Variants in KMT2B observed in about 807,000 individuals in gnomAD.
KMT2B encodes the protein lysine methyltransferase 2B, also known as histone-lysine N-methyltransferase 2B.
In KMT2B, 22 loss-of-function variants were observed where a neutral mutation model predicts 255.3. The ratio of observed to expected loss-of-function variants is 0.09; its 90% CI spans 0.06 to 0.12. The LOEUF is 0.12. Ranked by LOEUF, KMT2B falls within the 10% of genes least tolerant of loss-of-function variation. KMT2B has a pLI of 1.00. For missense variants in KMT2B, 3,149 were observed against 3,737.0 expected, an observed-to-expected ratio of 0.84 and a Z score of 4.10; for synonymous variants, 1,730 against 1,498.1, an observed-to-expected ratio of 1.15 and a Z score of -3.57.
chr19:35,722,376 G>T lies in KMT2B; in HGVS notation c.2475G>T (p.Gln825His), dbSNP rs752884271. 3.1e-6 allele frequency: 5 copies of T among 1,610,420 alleles called. No individual in the cohort carries two copies. Among genetic ancestry groups the T allele is most frequent in the Middle Eastern group, 3.3e-4 (2 of 6,062 alleles). Residue 825 changes from glutamine (Q) to histidine (H), a missense_variant, in exon 4 of 37, where the codon CAG (glutamine) becomes CAT (histidine). By Grantham distance (24) the Gln-to-His change is conservative. Around this residue, in one of 18 missense-constraint regions of KMT2B, gnomAD observed 1,188 missense variants for 1,106.4 expected, o/e 1.07. Transcript: ENST00000420124. ...CCTGCCAGCTGAGCCCTGGAGGGCA[G>T]ATGGAGGAGGTGGCCGGGGCTGTCA... ...AASMPLSPGGQMEEVAGAVKQ... is the reference protein window; with the variant it reads ...AASMPLSPGGHMEEVAGAVKQ...
rs1390238647 is a variant in KMT2B at position 35,725,776 on chromosome 19, G to A, written c.3843G>A (p.Gly1281=). Residue 1281 remains glycine, a synonymous_variant, in exon 13 of 37, where the codon GGG becomes GGA. Coordinates refer to ENST00000420124, the MANE Select transcript of KMT2B (RefSeq NM_014727.3). This position sits in a 1 kb window ranked among gnomAD's most constrained non-coding sequence, Gnocchi z 4.1. ...ATGCATACCACCCGGCCTGTCTGGG[G>A]CCCAGCTATCCAACCCGGGCCACGC... ...CRHAYHPACL[G]PSYPTRATRK... 4 of 1,598,464 alleles carry A rather than the reference G, an allele frequency of 2.5e-6. No individual in the cohort carries two copies. Among genetic ancestry groups the A allele is most frequent in the Admixed American group, 1.8e-5 (1 of 57,094 alleles).
In KMT2B at chr19:35,733,561, A is replaced by G. The variant is rs780450857; in HGVS notation, c.6960-36A>G. The G allele has an allele frequency of 3.5e-5, 54 of 1,556,182 alleles. No homozygotes were observed. The Admixed American group carries it at 3.9e-4, about 11-fold the overall frequency. ...GCAGGCAAGGGGGCAGATGGGCGGG[A>G]GATGCGGCTCATCCTTCTCGGGCTC... On this transcript the variant is annotated intron_variant, in intron 28 of 36. Transcript: ENST00000420124. The surrounding 1 kb of genome is among the most constrained non-coding windows in gnomAD (Gnocchi z 4.3).
At position 35,720,188 on chromosome 19, in the gene KMT2B, C is replaced by G; in HGVS notation, c.841C>G (p.Arg281Gly). 6.2e-7 allele frequency: 1 copy of G among 1,606,662 alleles called. No homozygotes were observed. The highest frequency in any genetic ancestry group is 1.1e-5 in the South Asian group (1 of 90,006). Residue 281 changes from arginine to glycine, a missense_variant, in exon 3 of 37, where the codon CGT becomes GGT. By Grantham distance (125) the Arg-to-Gly change is moderately radical. Transcript: ENST00000420124. ...GPGPGPGTPR[R>G]GGQSSRGGRG... is the part of the protein sequence containing the mutation. ...CGGTCCAGGACCTGGGACCCCCAGG[C>G]GTGGAGGACAGTCAAGCCGTGGAGG...
Position 35,730,551 on chromosome 19 carries a change from T to C in KMT2B, c.5211T>C (p.Ile1737=), listed in dbSNP as rs1433717321. 6.2e-7 allele frequency: 1 copy of C among 1,614,002 alleles called. No individual in the cohort carries two copies. The highest frequency in any genetic ancestry group is 8.5e-7 in the Non-Finnish European group (1 of 1,179,872). Residue 1737 remains isoleucine (I), a synonymous_variant, in exon 25 of 37, where the codon ATT becomes ATC. Coordinates refer to ENST00000420124, the MANE Select transcript of KMT2B (RefSeq NM_014727.3). The part of the protein sequence containing the change: ...AINVLIGSIR[I]DSLGTLSDLS... ...TTTGCACCACAGGTTCCATCCGCAT[T>C]GACTCCCTGGGTACTCTGTCTGATC...
chr19:35,730,260 C>T (rs1227661602), intron 23 of KMT2B, 82 bp from the exon 24 acceptor site: 3 of 1,599,204 alleles, frequency 1.9e-6, no homozygotes, highest in Non-Finnish European at 2.6e-6. Flanking sequence ...GCCTTTAGGC[C>T]AAGCCCCTGA....
Position 35,727,384 on chromosome 19 carries a change from G to A in KMT2B, c.4118-54G>A. On this transcript the variant is annotated intron_variant, in intron 15 of 36. Coordinates refer to ENST00000420124, the MANE Select transcript of KMT2B (RefSeq NM_014727.3). The surrounding 1 kb of genome is among the most constrained non-coding windows in gnomAD (Gnocchi z 4.2). ...GTCCTTGCTGGCCTAGGGGCTGCTG[G>A]GAGCCCTCACATCCTCTGAAACCAC... 2 of 1,601,568 alleles carry A rather than the reference G, an allele frequency of 1.2e-6. No individual in the cohort carries two copies. Among genetic ancestry groups the A allele is most frequent in the Non-Finnish European group, 1.7e-6 (2 of 1,169,464 alleles).
In KMT2B at chr19:35,718,630, C is replaced by G. The variant is rs991313205; in HGVS notation, c.363+249C>G. Reference sequence around the variant, plus strand: ...TCCCGCTGAAGTGTCTTGGGCCGATCCTTTTCGGCAGCTGGCAAAGCTAGG... The same window carrying G: ...TCCCGCTGAAGTGTCTTGGGCCGATGCTTTTCGGCAGCTGGCAAAGCTAGG... On this transcript the variant is annotated intron_variant, in intron 1 of 36. Coordinates refer to ENST00000420124, the MANE Select transcript of KMT2B (RefSeq NM_014727.3). This position sits in a 1 kb window ranked among gnomAD's most constrained non-coding sequence, Gnocchi z 5.0. Among the ~76,000 whole-genome samples, 2 of 152,172 alleles carry G rather than the reference C, an allele frequency of 1.3e-5. No homozygotes were observed. Among genetic ancestry groups the G allele is most frequent in the Non-Finnish European group, 2.9e-5 (2 of 67,980 alleles).
rs564202766 is a variant in KMT2B at position 35,721,614 on chromosome 19, C to CACAGCCACAGCT, written c.2268_2279dup (p.Gln759_Pro762dup). ...CTCCTGCCCCAGGCACTACCGCCACCACAGCCACAGCTGCAGCCACCGCCG... is the reference window on the plus strand; with the variant it reads ...CTCCTGCCCCAGGCACTACCGCCACCACAGCCACAGCTACAGCCACAGCTGCAGCCACCGCCG... On this transcript the variant is annotated inframe_insertion, in exon 3 of 37. Coordinates refer to ENST00000420124, the MANE Select transcript of KMT2B (RefSeq NM_014727.3). 1.7e-3 allele frequency: 2,781 copies of CACAGCCACAGCT among 1,612,658 alleles called. 6 individuals carry two copies. Among genetic ancestry groups the CACAGCCACAGCT allele is most frequent in the Non-Finnish European group, 2.1e-3 (2,490 of 1,179,726 alleles).
At chr19:35,729,132 C>T (rs755404633) in intron 21 of KMT2B, 27 bp from the exon 22 acceptor site, 7 of 1,613,800 alleles carry the variant, frequency 4.3e-6, no homozygotes, top group Non-Finnish European at 5.9e-6. Flanking sequence ...GGCCTCCCCA[C>T]ATCATGCCAC....
In KMT2B at chr19:35,726,269, G is replaced by A. The variant is rs2146452220; in HGVS notation, c.3919G>A (p.Gly1307Arg). Residue 1307 changes from glycine (G) to arginine (R), a missense_variant, in exon 14 of 37, where the codon GGG (glycine) becomes AGG (arginine). Gly to Arg is a moderately radical substitution (Grantham distance 125, BLOSUM62 -2). Coordinates refer to ENST00000420124, the MANE Select transcript of KMT2B (RefSeq NM_014727.3). ...CSACVRCKSCGATPGKNWDVE... is the reference protein window; with the variant it reads ...CSACVRCKSCRATPGKNWDVE... ...AGCCTGTGTGCGCTGTAAGAGCTGT[G>A]GGGCAACTCCAGGCAAGAACTGGGA... The A allele has an allele frequency of 1.2e-6, 2 of 1,613,786 alleles. No individual in the cohort carries two copies. Among genetic ancestry groups the A allele is most frequent in the Non-Finnish European group, 1.7e-6 (2 of 1,179,796 alleles).
At position 35,737,937 on chromosome 19, in the gene KMT2B, C is replaced by T. The variant is rs1969983762; in HGVS notation, c.7737C>T (p.Val2579=). 6.3e-7 allele frequency: 1 copy of T among 1,599,846 alleles called. No homozygotes were observed. Among genetic ancestry groups the T allele is most frequent in the African/African-American group, 1.3e-5 (1 of 74,642 alleles). The change falls in exon 35 of 37, where the codon GTC becomes GTT. Residue 2579 remains valine (V), a synonymous_variant. Transcript: ENST00000420124. This position sits in a 1 kb window ranked among gnomAD's most constrained non-coding sequence, Gnocchi z 5.3. ...LKKTSKEAVG[V]YRSAIHGRGL... is the part of the protein sequence containing the mutation. ...AGACGTCCAAAGAAGCTGTGGGTGT[C>T]TACAGGTGAGTGGGGTTGGGGGGGA...
chr19:35,719,582 A>G (rs1167632956), intron 2 of KMT2B, 41 bp downstream of exon 2: 2 of 1,557,480 alleles, frequency 1.3e-6, no homozygotes, highest in Non-Finnish European at 8.7e-7. Context: ...CGTCACAGGA[A>G]TTTATCCTCG....
intron 9 of KMT2B, 49 bp from the exon 10 acceptor site, chr19:35,724,939 GC>G: frequency 1.5e-6 from 2 of 1,342,628 alleles, no homozygotes; most frequent in South Asian, 2.3e-5. Context: ...AGAGGAGTCT[GC>G]ATCACGGCCA....
chr19:35,726,480 A>C (rs968688001), intron 14 of KMT2B, 127 bp downstream of exon 14: 2 of 670,680 alleles, frequency 3.0e-6, no homozygotes, highest in African/African-American at 3.6e-5. Context: ...CTATCTCTTC[A>C]ACTCAGGGAA....
At chr19:35,722,231 C>G in intron 3 of KMT2B, 128 bp from the exon 4 acceptor site, 1 of 966,002 alleles carries the variant, frequency 1.0e-6, no homozygotes, top group South Asian at 1.7e-5. Context: ...TCTTGAACTC[C>G]TGACCTCGTG....
Position 35,733,707 on chromosome 19 carries a change from C to T in KMT2B, c.7049+21C>T. Reference sequence around the variant, plus strand: ...CCTGGGTGAGTGGCCAGGCCCCTCTCCCTGGAGGGTCTGGGACCTCTGTCC... The same window carrying T: ...CCTGGGTGAGTGGCCAGGCCCCTCTTCCTGGAGGGTCTGGGACCTCTGTCC... On this transcript the variant is annotated intron_variant, in intron 29 of 36. Coordinates refer to ENST00000420124, the MANE Select transcript of KMT2B (RefSeq NM_014727.3). The surrounding 1 kb of genome is among the most constrained non-coding windows in gnomAD (Gnocchi z 4.3). 4 of 1,605,870 alleles carry T rather than the reference C, an allele frequency of 2.5e-6. No individual in the cohort carries two copies. The highest frequency in any genetic ancestry group is 3.4e-6 in the Non-Finnish European group (4 of 1,175,866).
At chr19:35,735,658 C>T (rs992595629) in intron 30 of KMT2B, 4 of 152,340 alleles carry the variant, frequency 2.6e-5, no homozygotes, top group Non-Finnish European at 5.9e-5. Flanking sequence ...GCTGCCTGCC[C>T]ACCATCTCCA....
chr19:35,721,100 C>T lies in KMT2B; in HGVS notation c.1753C>T (p.Arg585Cys), dbSNP rs760508345. ...QEPAPVPSPPRAPTPPSTPVP... is the reference protein window; with the variant it reads ...QEPAPVPSPPCAPTPPSTPVP... ...GCCAGCACCAGTCCCCTCTCCACCA[C>T]GTGCCCCAACTCCTCCATCTACCCC... The change falls in exon 3 of 37, where the codon CGT becomes TGT. Residue 585 changes from arginine (R) to cysteine (C), a missense_variant. By Grantham distance (180) the Arg-to-Cys change is radical. This residue lies in a region of KMT2B where 1,188 missense variants were observed against 1,106.4 expected (regional missense o/e 1.07). Coordinates refer to ENST00000420124, the MANE Select transcript of KMT2B (RefSeq NM_014727.3). The T allele has an allele frequency of 5.6e-6, 9 of 1,610,760 alleles. No individual in the cohort carries two copies. Among genetic ancestry groups the T allele is most frequent in the Middle Eastern group, 1.6e-4 (1 of 6,082 alleles).
chr19:35,720,266 T>C lies in KMT2B; in HGVS notation c.919T>C (p.Phe307Leu), dbSNP rs540162147. 6.2e-7 allele frequency: 1 copy of C among 1,612,982 alleles called. No individual in the cohort carries two copies. Among genetic ancestry groups the C allele is most frequent in the South Asian group, 1.1e-5 (1 of 90,912 alleles). The change falls in exon 3 of 37, where the codon TTT (phenylalanine) becomes CTT (leucine). Residue 307 changes from phenylalanine to leucine, a missense_variant. Around this residue, in one of 18 missense-constraint regions of KMT2B, gnomAD observed 1,188 missense variants for 1,106.4 expected, o/e 1.07. Transcript: ENST00000420124. ...RGGGLPFVIK[F>L]VSRAKKVKMG... ...TGGTGGGCTCCCCTTTGTGATCAAG[T>C]TTGTTTCAAGGGCCAAAAAAGTAAA...
Sources: allele counts gnomAD v4.1 joint callset (sites outside exome capture counted in the v4.1 genomes callset), GRCh38; gene constraint gnomAD v4.1.1; regional missense constraint gnomAD v4.1.1; non-coding constraint Gnocchi (gnomAD v3.1); transcripts MANE v1.5; gene names NCBI Gene and HGNC (gene_info 2026-07-23, HGNC 2026-07-21).